The following DPYD variants were observed in gnomAD, a reference collection of about 807,000 sequenced individuals.
DPYD encodes dihydropyrimidine dehydrogenase.
Under a neutral mutation model 116.2 loss-of-function variants are expected in DPYD, and 109 were observed. The observed-to-expected ratio is 0.94, with a 90% CI of 0.80 to 1.10. The LOEUF is 1.10. Ranked by LOEUF, DPYD falls within the 50% of genes least tolerant of loss-of-function variation. The pLI is 0.00. For missense variants in DPYD, 1,302 were observed against 1,254.5 expected, an observed-to-expected ratio of 1.04 and a Z score of -0.57; for synonymous variants, 440 against 432.0, an observed-to-expected ratio of 1.02 and a Z score of -0.23.
At chr1:97,130,901 C>G (rs1474563001) in intron 20 of DPYD, among the ~76,000 whole-genome samples, 1 of 136,310 alleles carries the variant, frequency 7.3e-6, no homozygotes, top group South Asian at 2.3e-4. Flanking sequence ...CTCCCTCCCT[C>G]CCTCACTCCC....
chr1:97,350,487 A>C (rs1222051839), intron 16 of DPYD, among the ~76,000 whole-genome samples: 1 of 152,172 alleles, frequency 6.6e-6, no homozygotes, highest in Non-Finnish European at 1.5e-5. Flanking sequence ...TTTTGTAGGC[A>C]GCCATCCCAT....
chr1:97,230,613 G>A (rs954437937), intron 19 of DPYD, among the ~76,000 whole-genome samples: 8 of 152,026 alleles, frequency 5.3e-5, no homozygotes, highest in East Asian at 1.9e-4. Flanking sequence ...ACCTGCACAC[G>A]TACCCTGAAC....
At chr1:97,132,300 A>G (rs535390572) in intron 20 of DPYD, among the ~76,000 whole-genome samples, 2 of 152,128 alleles carry the variant, frequency 1.3e-5, no homozygotes, top group African/African-American at 2.4e-5. Flanking sequence ...TATACTAAGA[A>G]TTTTTTCCTC....
At chr1:97,574,913 G>A (rs1239768522) in intron 10 of DPYD, among the ~76,000 whole-genome samples, 1 of 152,124 alleles carries the variant, frequency 6.6e-6, no homozygotes, top group Non-Finnish European at 1.5e-5. Flanking sequence ...GTGTGTATGA[G>A]GCTTCAAACT....
At position 97,338,054 on chromosome 1, in the gene DPYD, G is replaced by A. The variant is rs116234142; in HGVS notation, c.2059-31757C>T. Reference sequence around the variant, plus strand: ...TCCTCCATTCCTGTTTGCTAAATGTGTCTGTTATTATACAGTCTATTTGTT... The same window carrying A: ...TCCTCCATTCCTGTTTGCTAAATGTATCTGTTATTATACAGTCTATTTGTT... On this transcript the variant is annotated intron_variant, in intron 16 of 22. Transcript: ENST00000370192. 8.5e-3 allele frequency among the ~76,000 whole-genome samples: 1,292 copies of A among 152,072 alleles called. 14 individuals carry two copies. The highest frequency in any genetic ancestry group is 0.014 in the Non-Finnish European group (950 of 67,972).
At chr1:97,110,486 C>T (rs1651512672) in intron 20 of DPYD, among the ~76,000 whole-genome samples, 1 of 152,042 alleles carries the variant, frequency 6.6e-6, no homozygotes, top group African/African-American at 2.4e-5. Context: ...TTATCTTTGA[C>T]TATTCAACAA....
At chr1:97,102,396 C>CATATATATAT (rs372249411) in intron 20 of DPYD, among the ~76,000 whole-genome samples, 12,966 of 96,868 alleles carry the variant, frequency 0.13, 1,441 homozygotes, top group Middle Eastern at 0.17. Context: ...CACTCAGTAT[C>CATATATATAT]ATATATATAT....
intron 3 of DPYD, among the ~76,000 whole-genome samples, chr1:97,824,297 G>A (rs1669117170): frequency 6.6e-6 from 1 of 152,098 alleles, no homozygotes; most frequent in South Asian, 2.1e-4. Context: ...AAGAAAGTAA[G>A]TGTATCTATG....
At chr1:97,202,553 A>G (rs961036495) in intron 19 of DPYD, among the ~76,000 whole-genome samples, 2 of 152,168 alleles carry the variant, frequency 1.3e-5, no homozygotes, top group African/African-American at 2.4e-5. Context: ...ATAATCATCA[A>G]TTCTCCAAGT....
intron 19 of DPYD, among the ~76,000 whole-genome samples, chr1:97,205,313 T>A (rs1175648643): frequency 6.6e-6 from 1 of 151,316 alleles, no homozygotes; most frequent in African/African-American, 2.4e-5. Flanking sequence ...TACGTATTCA[T>A]CCCCCTCACC....
At chr1:97,649,843 G>T (rs1050344598) in intron 8 of DPYD, among the ~76,000 whole-genome samples, 1 of 151,986 alleles carries the variant, frequency 6.6e-6, no homozygotes, top group African/African-American at 2.4e-5. Flanking sequence ...AAACACTGAG[G>T]TTCCATAGTT....
intron 16 of DPYD, among the ~76,000 whole-genome samples, chr1:97,369,179 T>C (rs1671189194): frequency 6.6e-6 from 1 of 152,186 alleles, no homozygotes. Flanking sequence ...CAGAATTGGT[T>C]ATAAAACAAT....
chr1:97,436,680 A>G (rs1675490469), intron 14 of DPYD, among the ~76,000 whole-genome samples: 2 of 152,060 alleles, frequency 1.3e-5, no homozygotes, highest in African/African-American at 4.8e-5. Context: ...GACATGAACC[A>G]CCAGCATTTT....
chr1:97,082,641 T>A (rs1375544086), intron 21 of DPYD, among the ~76,000 whole-genome samples, 171 bp from the exon 22 acceptor site: 1 of 152,178 alleles, frequency 6.6e-6, no homozygotes. Context: ...ATAGCTTAGA[T>A]GTTTGTCTTC....
chr1:97,374,353 G>C (rs2101521538), intron 15 of DPYD, among the ~76,000 whole-genome samples: 1 of 152,092 alleles, frequency 6.6e-6, no homozygotes, highest in East Asian at 1.9e-4. Flanking sequence ...AAGTATTCTT[G>C]GAATACTTTG....
At chr1:97,559,816 G>A (rs1652011209) in intron 11 of DPYD, among the ~76,000 whole-genome samples, 1 of 152,102 alleles carries the variant, frequency 6.6e-6, no homozygotes, top group Non-Finnish European at 1.5e-5. Flanking sequence ...ATCAACATTG[G>A]CAAAGGCTAT....
chr1:97,909,950 C>A (rs544532518), intron 1 of DPYD, among the ~76,000 whole-genome samples: 1 of 152,000 alleles, frequency 6.6e-6, no homozygotes. Flanking sequence ...ACACCTCTTA[C>A]TTTTTTTGTT....
intron 13 of DPYD, among the ~76,000 whole-genome samples, chr1:97,506,423 T>G (rs867633978): frequency 6.6e-6 from 1 of 151,900 alleles, no homozygotes; most frequent in African/African-American, 2.4e-5. Context: ...AGAAGAATTA[T>G]GTGAGACAGA....
intron 14 of DPYD, among the ~76,000 whole-genome samples, chr1:97,382,771 C>T (rs992837447): frequency 5.3e-5 from 8 of 152,050 alleles, no homozygotes; most frequent in Non-Finnish European, 2.9e-5. Flanking sequence ...CTTTGCCATC[C>T]TCTGAAAGTA....
Sources: gnomAD v4.1 joint callset for allele counts (sites outside exome capture counted in the v4.1 genomes callset) on GRCh38, gnomAD v4.1.1 for gene constraint, MANE v1.5 for transcripts, NCBI Gene and HGNC (gene_info 2026-07-23, HGNC 2026-07-21) for gene names.